The following PID1 variants were observed in gnomAD, a reference collection of about 807,000 sequenced individuals.
The protein encoded by PID1 is PTB-containing, cubilin and LRP1-interacting protein.
PID1 carries 10 observed loss-of-function variants against 19.1 expected under a neutral mutation model. The ratio of observed to expected loss-of-function variants is 0.52; its 90% CI spans 0.32 to 0.89. The LOEUF (loss-of-function observed/expected upper bound fraction) is 0.89, where lower values mean the gene tolerates loss of function less well. PID1 is among the 40% of genes least tolerant of loss of function. PID1 has a pLI of 0.03. For missense variants in PID1, 248 were observed against 285.3 expected (o/e 0.87, Z 0.94); for synonymous variants, 130 against 116.0 (o/e 1.12, Z -0.78).
intron 1 of PID1, among the ~76,000 whole-genome samples, chr2:229,207,782 C>G (rs1225204972): frequency 6.6e-6 from 1 of 152,046 alleles, no homozygotes; most frequent in Non-Finnish European, 1.5e-5. Context: ...CCACTGCCTT[C>G]ACCTTTAGAA....
intron 1 of PID1, among the ~76,000 whole-genome samples, chr2:229,183,766 T>C (rs1690997001): frequency 6.6e-6 from 1 of 151,778 alleles, no homozygotes; most frequent in Admixed American, 6.6e-5. Context: ...CTGGCTATCC[T>C]GTGTCTCCAG....
chr2:229,055,998 C>T (rs1392035539), intron 2 of PID1, among the ~76,000 whole-genome samples: 1 of 152,164 alleles, frequency 6.6e-6, no homozygotes, highest in African/African-American at 2.4e-5. Flanking sequence ...CCACAGAAAC[C>T]TCACATTCAA....
chr2:229,162,434 A>G (rs1408354886), intron 1 of PID1, among the ~76,000 whole-genome samples: 1 of 152,222 alleles, frequency 6.6e-6, no homozygotes, highest in African/African-American at 2.4e-5. Context: ...GATAACTGGA[A>G]CACTACCCAT....
chr2:229,181,037 CTT>C (rs1481988964), intron 1 of PID1, among the ~76,000 whole-genome samples: 3 of 152,246 alleles, frequency 2.0e-5, no homozygotes, highest in Admixed American at 6.5e-5. Context: ...GCTCATTTTT[CTT>C]TCTCTACACT....
intron 1 of PID1, among the ~76,000 whole-genome samples, chr2:229,169,303 C>T (rs1574686898): frequency 6.6e-6 from 1 of 151,990 alleles, no homozygotes; most frequent in Admixed American, 6.6e-5. Context: ...ATATATCAGT[C>T]TAGTTGGATG....
At chr2:229,188,710 G>C (rs1254039202) in intron 1 of PID1, among the ~76,000 whole-genome samples, 3 of 142,900 alleles carry the variant, frequency 2.1e-5, no homozygotes, top group African/African-American at 7.9e-5. Context: ...CTGCACTCCA[G>C]CCTGGGCAAC....
intron 1 of PID1, among the ~76,000 whole-genome samples, chr2:229,233,018 T>C (rs904755775): frequency 1.3e-5 from 2 of 152,074 alleles, no homozygotes; most frequent in Non-Finnish European, 2.9e-5. Flanking sequence ...GTGTGTTCCA[T>C]TTCTCAATAA....
chr2:229,094,708 G>T (rs957294482), intron 2 of PID1, among the ~76,000 whole-genome samples: 1 of 151,934 alleles, frequency 6.6e-6, no homozygotes, highest in Admixed American at 6.6e-5. Context: ...TCAATAAATG[G>T]TGATGGAAAA....
intron 1 of PID1, among the ~76,000 whole-genome samples, chr2:229,227,194 T>C (rs573194472): frequency 6.6e-6 from 1 of 152,350 alleles, no homozygotes; most frequent in Non-Finnish European, 1.5e-5. Flanking sequence ...ATCAAACTTA[T>C]ATTGCCTAAT....
chr2:229,249,191 T>C (rs1690080606), intron 1 of PID1, among the ~76,000 whole-genome samples: 1 of 152,248 alleles, frequency 6.6e-6, no homozygotes, highest in Non-Finnish European at 1.5e-5. Flanking sequence ...GGGTACAAGC[T>C]ATCTGCAATG....
At chr2:229,237,031 T>C (rs1689721374) in intron 1 of PID1, among the ~76,000 whole-genome samples, 1 of 149,456 alleles carries the variant, frequency 6.7e-6, no homozygotes, top group African/African-American at 2.5e-5. Flanking sequence ...CACACTGACT[T>C]CTAATATAGA....
intron 2 of PID1, among the ~76,000 whole-genome samples, chr2:229,122,208 C>A (rs1024202967): frequency 1.3e-5 from 2 of 152,164 alleles, no homozygotes; most frequent in African/African-American, 4.8e-5. Context: ...TAGTTCAGGT[C>A]TCTTTTGTAA....
At chr2:229,249,452 T>A (rs1307720562) in intron 1 of PID1, among the ~76,000 whole-genome samples, 1 of 152,204 alleles carries the variant, frequency 6.6e-6, no homozygotes, top group Non-Finnish European at 1.5e-5. Context: ...ATCATTAGTT[T>A]ATTGAAGCAT....
chr2:229,248,319 T>C (rs1408154493), intron 1 of PID1, among the ~76,000 whole-genome samples: 1 of 152,228 alleles, frequency 6.6e-6, no homozygotes, highest in Non-Finnish European at 1.5e-5. Context: ...TTTTAGAGAA[T>C]ACATGCTCCT....
chr2:229,232,735 T>C (rs1342899600), intron 1 of PID1, among the ~76,000 whole-genome samples: 2 of 148,418 alleles, frequency 1.3e-5, no homozygotes, highest in Non-Finnish European at 3.0e-5. Flanking sequence ...GCATTGTTGT[T>C]AATAATGTTT....
At chr2:229,042,988 A>C (rs1693802765) in intron 2 of PID1, among the ~76,000 whole-genome samples, 1 of 149,052 alleles carries the variant, frequency 6.7e-6, no homozygotes, top group African/African-American at 2.5e-5. Flanking sequence ...GCAGAAAGAG[A>C]GAGAGAGGAG....
intron 2 of PID1, among the ~76,000 whole-genome samples, chr2:229,099,080 C>T (rs773112466): frequency 1.3e-5 from 2 of 152,096 alleles, no homozygotes; most frequent in Non-Finnish European, 2.9e-5. Context: ...TTACAAGAAC[C>T]AGAACTCTTT....
At chr2:229,085,066 T>C (rs771787831) in intron 2 of PID1, among the ~76,000 whole-genome samples, 3 of 152,096 alleles carry the variant, frequency 2.0e-5, no homozygotes, top group Non-Finnish European at 4.4e-5. Context: ...GCTTTCTAAC[T>C]AGGAAAATGA....
At chr2:229,162,801 T>C (rs1690516195) in intron 1 of PID1, among the ~76,000 whole-genome samples, 1 of 152,240 alleles carries the variant, frequency 6.6e-6, no homozygotes, top group Non-Finnish European at 1.5e-5. Flanking sequence ...ATAAGGTATA[T>C]TCAGGCTCCA....
Sources: allele counts gnomAD v4.1 joint callset (sites outside exome capture counted in the v4.1 genomes callset), GRCh38; gene constraint gnomAD v4.1.1; transcripts MANE v1.5; gene names NCBI Gene and HGNC (gene_info 2026-07-23, HGNC 2026-07-21).